The following GRM8 variants were observed in gnomAD, a reference collection of about 807,000 sequenced individuals.
GRM8 encodes metabotropic glutamate receptor 8.
A neutral mutation model predicts 87.2 loss-of-function variants in GRM8; 47 were observed. The observed-to-expected ratio is 0.54, with a 90% CI of 0.43 to 0.69. GRM8 has a LOEUF of 0.69. GRM8 is among the 30% of genes least tolerant of loss of function. GRM8 has a pLI of 0.00. For missense variants in GRM8, 1,019 were observed against 1,139.2 expected (o/e 0.89, Z 1.52); for synonymous variants, 396 against 404.5 (o/e 0.98, Z 0.25).
intron 7 of GRM8, among the ~76,000 whole-genome samples, chr7:126,671,528 A>G (rs1806384822): frequency 6.6e-6 from 1 of 152,210 alleles, no homozygotes; most frequent in African/African-American, 2.4e-5. Flanking sequence ...ATTAAATTCT[A>G]AACTCACCAG....
chr7:126,592,215 A>T (rs12530853), intron 8 of GRM8, among the ~76,000 whole-genome samples: 1 of 151,654 alleles, frequency 6.6e-6, no homozygotes, highest in African/African-American at 2.4e-5. Context: ...TTAAAGAATG[A>T]CTCATATCAA....
At chr7:126,800,254 C>A (rs886311755) in intron 6 of GRM8, among the ~76,000 whole-genome samples, 2 of 152,022 alleles carry the variant, frequency 1.3e-5, no homozygotes, top group Non-Finnish European at 2.9e-5. Context: ...TTTGTACAGA[C>A]CCAGGAAGGA....
chr7:126,448,874 G>A, intron 9 of GRM8, among the ~76,000 whole-genome samples: 1 of 151,738 alleles, frequency 6.6e-6, no homozygotes, highest in Non-Finnish European at 1.5e-5. Context: ...AACACACACT[G>A]GGGCCTTTTG....
intron 7 of GRM8, among the ~76,000 whole-genome samples, chr7:126,644,406 GTCTGATGCCGTGACCATA>G (rs1802811078): frequency 6.6e-6 from 1 of 152,140 alleles, no homozygotes. Flanking sequence ...GCTTAAATAT[GTCTGATGCCGTGACCATA>G]TGGCAGTGTT....
chr7:127,033,394 A>T (rs1817569472), intron 3 of GRM8, among the ~76,000 whole-genome samples: 1 of 152,046 alleles, frequency 6.6e-6, no homozygotes, highest in Non-Finnish European at 1.5e-5. Context: ...AGATTAGGAC[A>T]CCTATATCTC....
In GRM8 at chr7:126,533,653, A is replaced by G. The variant is rs1202425938; in HGVS notation, c.1729T>C (p.Leu577=). 1 of 1,614,098 alleles carries G rather than the reference A, an allele frequency of 6.2e-7. No individual in the cohort carries two copies. The highest frequency in any genetic ancestry group is 1.1e-5 in the South Asian group (1 of 91,084). The change falls in exon 9 of 11, where the codon TTG becomes CTG. Residue 577 remains leucine (L), a synonymous_variant. Transcript: ENST00000339582. ...TGCQLIPIIK[L]EWHSPWAVVP... is the part of the protein sequence containing the mutation. The stretch of plus-strand genomic sequence containing the variant: ...ACAGCCCAGGGAGAATGCCACTCCA[A>G]TTTGATGATGGGGATAAGCTGGCAG...
At chr7:127,124,101 T>C (rs1274186567) in intron 2 of GRM8, among the ~76,000 whole-genome samples, 1 of 152,058 alleles carries the variant, frequency 6.6e-6, no homozygotes, top group Non-Finnish European at 1.5e-5. Flanking sequence ...AAAGAAAACA[T>C]TTTCAAAAAA....
intron 7 of GRM8, among the ~76,000 whole-genome samples, chr7:126,689,066 C>T (rs1041025282): frequency 6.6e-6 from 1 of 152,162 alleles, no homozygotes; most frequent in Non-Finnish European, 1.5e-5. Flanking sequence ...TCTGCAGAGT[C>T]TCTTCTTCTT....
chr7:126,985,542 T>C (rs191917614), intron 3 of GRM8, among the ~76,000 whole-genome samples: 1 of 152,220 alleles, frequency 6.6e-6, no homozygotes, highest in Non-Finnish European at 1.5e-5. Flanking sequence ...TTAATTTATA[T>C]GGAAAATAAT....
At chr7:126,708,166 A>G (rs1810738516) in intron 7 of GRM8, among the ~76,000 whole-genome samples, 1 of 152,146 alleles carries the variant, frequency 6.6e-6, no homozygotes, top group African/African-American at 2.4e-5. Context: ...AGAAATACAA[A>G]TTAAAATCAT....
intron 7 of GRM8, among the ~76,000 whole-genome samples, chr7:126,657,665 C>T (rs1330362904): frequency 6.6e-6 from 1 of 152,212 alleles, no homozygotes; most frequent in Non-Finnish European, 1.5e-5. Flanking sequence ...TTTGCCTAAA[C>T]ATAACAGGTC....
At chr7:126,804,681 C>T (rs947147178) in intron 6 of GRM8, among the ~76,000 whole-genome samples, 2 of 152,194 alleles carry the variant, frequency 1.3e-5, no homozygotes, top group Non-Finnish European at 2.9e-5. Context: ...GAAAACATTA[C>T]AGCCTGAACT....
chr7:126,994,667 G>A (rs542611121), intron 3 of GRM8, among the ~76,000 whole-genome samples: 1 of 152,130 alleles, frequency 6.6e-6, no homozygotes, highest in Non-Finnish European at 1.5e-5. Context: ...TGTGGAAAGG[G>A]GAAAGAAGAA....
intron 8 of GRM8, among the ~76,000 whole-genome samples, chr7:126,589,499 T>C (rs1407497763): frequency 1.3e-5 from 2 of 152,234 alleles, no homozygotes; most frequent in East Asian, 1.9e-4. Context: ...AGCTCAGACA[T>C]GTCTAACCCT....
intron 3 of GRM8, among the ~76,000 whole-genome samples, chr7:126,936,589 C>A (rs1426361179): frequency 2.6e-5 from 4 of 152,190 alleles, no homozygotes; most frequent in Non-Finnish European, 5.9e-5. Context: ...AGGACTAAGT[C>A]TTGGCCAATA....
chr7:126,483,782 C>T (rs192078837), intron 9 of GRM8, among the ~76,000 whole-genome samples: 1,857 of 112,586 alleles, frequency 0.016, 47 homozygotes, highest in African/African-American at 0.06. Flanking sequence ...CCTTCCTCCC[C>T]TCCTCCCTTC....
At chr7:127,067,260 T>G (rs1337481997) in intron 3 of GRM8, among the ~76,000 whole-genome samples, 1 of 152,194 alleles carries the variant, frequency 6.6e-6, no homozygotes. Flanking sequence ...AAAAAAATGC[T>G]TGTTTCTCAG....
intron 2 of GRM8, among the ~76,000 whole-genome samples, chr7:127,236,482 C>G (rs1000371733): frequency 2.0e-5 from 3 of 152,168 alleles, no homozygotes; most frequent in Non-Finnish European, 4.4e-5. Context: ...CACAAGGTGG[C>G]AGGAAGGAGC....
intron 8 of GRM8, among the ~76,000 whole-genome samples, chr7:126,552,686 C>A (rs906374564): frequency 2.6e-5 from 4 of 152,060 alleles, no homozygotes; most frequent in African/African-American, 9.7e-5. Flanking sequence ...AGCATTTTAG[C>A]TAATTACATT....
Sources: allele counts gnomAD v4.1 joint callset (sites outside exome capture counted in the v4.1 genomes callset), GRCh38; gene constraint gnomAD v4.1.1; transcripts MANE v1.5; gene names NCBI Gene and HGNC (gene_info 2026-07-23, HGNC 2026-07-21).